PIK3C2B: variants seen among roughly 807,000 people sequenced by gnomAD.
PIK3C2B encodes the protein phosphatidylinositol-4-phosphate 3-kinase catalytic subunit type 2 beta.
In PIK3C2B, 83 loss-of-function variants were observed where a neutral mutation model predicts 184.3. That is an observed-to-expected ratio of 0.45 (90% CI 0.38 to 0.54). The LOEUF (loss-of-function observed/expected upper bound fraction) is 0.54, where lower values mean the gene tolerates loss of function less well. Among genes scored for constraint, PIK3C2B ranks in the 20% least tolerant of loss-of-function variants. The probability of loss-of-function intolerance (pLI) is 0.00; values close to 1 mark genes in which losing one functional copy is unlikely to be tolerated. For synonymous variants in PIK3C2B, 779 were observed against 837.6 expected (o/e 0.93, Z 1.21); for missense variants, 1,736 against 2,113.5 (o/e 0.82, Z 3.50).
rs138934800 is a variant in PIK3C2B, at chr1:204,485,165, C to T, written c.-85+9191G>A. Among the ~76,000 whole-genome samples, 24 of 152,128 alleles carry T rather than the reference C, an allele frequency of 1.6e-4. No homozygotes were observed. In the Middle Eastern group the frequency reaches 0.01, roughly 65 times the overall value. ...CCAGTCTCAAGCAATCCTCCCACCC[C>T]GGTTTCACAAGTGGCTGGAATTACA... On this transcript the variant is annotated intron_variant, in intron 1 of 32. Coordinates refer to ENST00000684373, the MANE Select transcript of PIK3C2B (RefSeq NM_001377334.1).
chr1:204,454,212 G>T (rs1188105905), intron 12 of PIK3C2B, among the ~76,000 whole-genome samples: 1 of 150,070 alleles, frequency 6.7e-6, no homozygotes. Context: ...GCCAGGCGTG[G>T]TGGCTCACGC....
chr1:204,486,679 G>A (rs1006050793), intron 1 of PIK3C2B, among the ~76,000 whole-genome samples: 2 of 152,134 alleles, frequency 1.3e-5, no homozygotes, highest in African/African-American at 2.4e-5. Context: ...GCAATGACCC[G>A]AGATTGCGCC....
chr1:204,450,202 A>G, intron 12 of PIK3C2B, 185 bp from the exon 13 acceptor site: 1 of 553,354 alleles, frequency 1.8e-6, no homozygotes, highest in South Asian at 2.4e-5. Flanking sequence ...CAAAACCCCC[A>G]CTGGATGTTC....
chr1:204,443,500 C>G lies in PIK3C2B; in HGVS notation c.2965G>C (p.Glu989Gln). ...ACAAGCCAGCACTGGCGGTTAAACT[C>G]TTCTCTCAGCCCCTTGCCACAGCAG... is the stretch of plus-strand genomic sequence containing the variant. ...LCCCGKGLRE[E>Q]FNRQCWLVNA... The change falls in exon 19 of 33, where the codon GAG (glutamate) becomes CAG (glutamine). Residue 989 changes from glutamate (E) to glutamine (Q), a missense_variant. Coordinates refer to ENST00000684373, the MANE Select transcript of PIK3C2B (RefSeq NM_001377334.1). 1 of 1,614,240 alleles carries G rather than the reference C, an allele frequency of 6.2e-7. No individual in the cohort carries two copies.
chr1:204,425,702 T>G lies in PIK3C2B; in HGVS notation c.4627A>C (p.Lys1543Gln). ...TGAGGGTCAGGAAGGAGGTAAATTT[T>G]CACATAGGGGTCAGGGTCATTTCCA... ...QDGNDPDPYV[K>Q]IYLLPDPQKT... Residue 1543 changes from lysine to glutamine, a missense_variant, in exon 32 of 33, where the codon AAA becomes CAA. Transcript: ENST00000684373. The G allele has an allele frequency of 1.2e-6, 2 of 1,614,044 alleles. No homozygotes were observed. Among genetic ancestry groups the G allele is most frequent in the Non-Finnish European group, 1.7e-6 (2 of 1,179,956 alleles).
intron 3 of PIK3C2B, 82 bp from the exon 4 acceptor site, chr1:204,464,686 G>A: frequency 1.5e-6 from 2 of 1,318,684 alleles, no homozygotes; most frequent in Non-Finnish European, 2.1e-6. Flanking sequence ...CTCATGCTCT[G>A]AGGCTCAAGA....
chr1:204,472,166 C>CTTT (rs71145091), intron 1 of PIK3C2B, among the ~76,000 whole-genome samples: 8 of 143,774 alleles, frequency 5.6e-5, no homozygotes, highest in South Asian at 2.2e-4. Context: ...ACTGGGGGAA[C>CTTT]TTTTTTTTTT....
At chr1:204,479,989 G>A (rs1657002414) in intron 1 of PIK3C2B, among the ~76,000 whole-genome samples, 2 of 152,186 alleles carry the variant, frequency 1.3e-5, no homozygotes, top group Non-Finnish European at 2.9e-5. Flanking sequence ...CGGCAGAGGA[G>A]CTGCCTCCGC....
chr1:204,426,781 T>A (rs186651337), intron 31 of PIK3C2B, among the ~76,000 whole-genome samples: 2 of 152,160 alleles, frequency 1.3e-5, no homozygotes, highest in Non-Finnish European at 2.9e-5. Context: ...TCCTGCCATA[T>A]CCCACTGCCC....
At chr1:204,468,183 C>A (rs562284936) in intron 2 of PIK3C2B, among the ~76,000 whole-genome samples, 9 of 152,300 alleles carry the variant, frequency 5.9e-5, no homozygotes, top group African/African-American at 2.2e-4. Context: ...GTGCCACTGA[C>A]TGCACACTTC....
chr1:204,448,780 C>T (rs1654093655), intron 14 of PIK3C2B, among the ~76,000 whole-genome samples: 1 of 152,152 alleles, frequency 6.6e-6, no homozygotes, highest in Non-Finnish European at 1.5e-5. Flanking sequence ...TCCTCTTCTC[C>T]CTGGAGAATA....
At chr1:204,484,877 AACAC>A (rs1308260707) in intron 1 of PIK3C2B, among the ~76,000 whole-genome samples, 1 of 152,220 alleles carries the variant, frequency 6.6e-6, no homozygotes, top group East Asian at 1.9e-4. Context: ...AAAGCAAACA[AACAC>A]ACCCCACAGT....
intron 1 of PIK3C2B, among the ~76,000 whole-genome samples, chr1:204,484,943 C>T (rs1657466044): frequency 6.6e-6 from 1 of 152,096 alleles, no homozygotes; most frequent in Non-Finnish European, 1.5e-5. Context: ...AGTCATATAG[C>T]TGGTCAGTGA....
chr1:204,441,088 A>AG lies in PIK3C2B; in HGVS notation c.3249+382dup, dbSNP rs746847199. Among the ~76,000 whole-genome samples the AG allele has an allele frequency of 1.8e-4, 28 of 152,326 alleles. No individual in the cohort carries two copies. In the East Asian group the frequency reaches 5.2e-3, roughly 28 times the overall value. ...ATACATCAGAGTTAGAAGGGACCTT[A>AG]GGGTTCATCTAGTTGGACCTGCACC... On this transcript the variant is annotated intron_variant, in intron 21 of 32. Transcript: ENST00000684373.
intron 27 of PIK3C2B, among the ~76,000 whole-genome samples, 182 bp from the exon 28 acceptor site, chr1:204,431,975 T>G (rs922298250): frequency 1.3e-5 from 2 of 152,140 alleles, no homozygotes. Flanking sequence ...TTCCCACATA[T>G]GTTGCCAGGA....
chr1:204,464,377 A>G, intron 4 of PIK3C2B, 73 bp downstream of exon 4: 1 of 1,300,868 alleles, frequency 7.7e-7, no homozygotes, highest in Non-Finnish European at 1.0e-6. Context: ...TGAGGTGGAA[A>G]TCGAGTCAAA....
At chr1:204,460,922 G>T (rs569929084) in intron 5 of PIK3C2B, among the ~76,000 whole-genome samples, 2 of 152,262 alleles carry the variant, frequency 1.3e-5, no homozygotes, top group South Asian at 2.1e-4. Flanking sequence ...TTTATTACCC[G>T]TGTGGTAATC....
chr1:204,438,518 G>GA (rs969530335), intron 23 of PIK3C2B, among the ~76,000 whole-genome samples: 20 of 152,304 alleles, frequency 1.3e-4, no homozygotes, highest in African/African-American at 4.8e-4. Context: ...TCACAGCTAT[G>GA]AAAAGAAGGG....
At chr1:204,455,154 G>A (rs1463544681) in intron 11 of PIK3C2B, among the ~76,000 whole-genome samples, 1 of 152,240 alleles carries the variant, frequency 6.6e-6, no homozygotes, top group Non-Finnish European at 1.5e-5. Context: ...GGTGGGGGAG[G>A]AAGACGACAT....
Sources: gnomAD v4.1 joint callset for allele counts (sites outside exome capture counted in the v4.1 genomes callset) on GRCh38, gnomAD v4.1.1 for gene constraint, MANE v1.5 for transcripts, NCBI Gene and HGNC (gene_info 2026-07-23, HGNC 2026-07-21) for gene names.